The following AKAP13 variants were observed in gnomAD, a reference collection of about 807,000 sequenced individuals.
AKAP13 encodes A-kinase anchoring protein 13, also known as A-kinase anchor protein 13.
Under a neutral mutation model 264.5 loss-of-function variants are expected in AKAP13, and 80 were observed. The ratio of observed to expected loss-of-function variants is 0.30; its 90% CI spans 0.25 to 0.36. AKAP13 has a LOEUF of 0.36. AKAP13 is among the 10% of genes least tolerant of loss of function. AKAP13 has a pLI of 1.00. For missense variants in AKAP13, 3,712 were observed against 3,435.2 expected, an observed-to-expected ratio of 1.08 and a Z score of -2.01; for synonymous variants, 1,380 against 1,250.2, an observed-to-expected ratio of 1.10 and a Z score of -2.19.
At position 85,743,843 on chromosome 15, in the gene AKAP13, G is replaced by A. The variant is rs978144217; in HGVS notation, c.8392+18G>A. ...GCCCGGTGGTGAGTCACGCACACCT[G>A]CTCTCCCTGTGGCCATAGTGTCTGT... On this transcript the variant is annotated intron_variant, in intron 36 of 36. Coordinates refer to ENST00000394518, the MANE Select transcript of AKAP13 (RefSeq NM_007200.5). 1.0e-5 allele frequency: 16 copies of A among 1,593,882 alleles called. No homozygotes were observed. In the Admixed American group the frequency reaches 1.0e-4, roughly 10 times the overall value.
intron 3 of AKAP13, among the ~76,000 whole-genome samples, chr15:85,528,357 G>C (rs753116432): frequency 6.6e-6 from 1 of 152,118 alleles, no homozygotes. Flanking sequence ...TAGTTCTATA[G>C]TGCCAATGGC....
intron 8 of AKAP13, among the ~76,000 whole-genome samples, chr15:85,597,881 C>T (rs79411684): frequency 6.8e-4 from 103 of 152,092 alleles, no homozygotes; most frequent in Admixed American, 1.0e-3. Flanking sequence ...GTAATTCCAG[C>T]GTTTTCTGAC....
At chr15:85,710,342 A>G in intron 18 of AKAP13, 2 of 400,644 alleles carry the variant, frequency 5.0e-6, no homozygotes, top group Non-Finnish European at 9.1e-6. Flanking sequence ...GAAGAATGCC[A>G]TGCTTCTGAA....
At chr15:85,535,317 C>T (rs539851065) in intron 4 of AKAP13, 2 of 152,306 alleles carry the variant, frequency 1.3e-5, no homozygotes, top group Admixed American at 6.5e-5. Flanking sequence ...TGTGGTCAGC[C>T]GTCAGAACGG....
chr15:85,700,519 A>G (rs2085848320), intron 17 of AKAP13, among the ~76,000 whole-genome samples: 1 of 152,148 alleles, frequency 6.6e-6, no homozygotes, highest in South Asian at 2.1e-4. Flanking sequence ...AGGGTTTGGT[A>G]TTGACTGGGG....
intron 1 of AKAP13, among the ~76,000 whole-genome samples, chr15:85,399,525 AAAAAATAAAAAAAT>A (rs2071309534): frequency 2.0e-5 from 2 of 102,132 alleles, no homozygotes; most frequent in Non-Finnish European, 4.2e-5. Flanking sequence ...AAAAAAAATA[AAAAAATAAAAAAAT>A]AAATAAATAA....
chr15:85,722,799 A>G (rs150458242), intron 25 of AKAP13, among the ~76,000 whole-genome samples: 2 of 152,282 alleles, frequency 1.3e-5, no homozygotes, highest in East Asian at 3.9e-4. Flanking sequence ...TCTTCCTGCT[A>G]TTACTGTCCC....
At chr15:85,475,339 C>G (rs967857818) in intron 1 of AKAP13, among the ~76,000 whole-genome samples, 2 of 152,154 alleles carry the variant, frequency 1.3e-5, no homozygotes, top group East Asian at 1.9e-4. Flanking sequence ...TTCCCGTTTC[C>G]TTTGGATAAC....
intron 13 of AKAP13, among the ~76,000 whole-genome samples, chr15:85,667,788 G>A (rs929774771): frequency 1.3e-5 from 2 of 152,130 alleles, no homozygotes; most frequent in Admixed American, 1.3e-4. Flanking sequence ...GAGTTTTCAA[G>A]GAGGAAATAA....
At chr15:85,740,956 T>C in intron 34 of AKAP13, 90 bp from the exon 35 acceptor site, 1 of 1,512,122 alleles carries the variant, frequency 6.6e-7, no homozygotes, top group Non-Finnish European at 8.8e-7. Context: ...TCATAGTGCC[T>C]GGTGCCCCCT....
At chr15:85,613,301 A>G (rs990905485) in intron 8 of AKAP13, among the ~76,000 whole-genome samples, 1 of 152,176 alleles carries the variant, frequency 6.6e-6, no homozygotes, top group Admixed American at 6.5e-5. Context: ...AGTTTTATTA[A>G]TTATTCTGTA....
chr15:85,569,451 CTTTTTT>C (rs71468120), intron 5 of AKAP13, among the ~76,000 whole-genome samples: 1 of 121,822 alleles, frequency 8.2e-6, no homozygotes, highest in Non-Finnish European at 1.7e-5. Context: ...TTTTTCTTTT[CTTTTTT>C]TTTTTTTTTT....
chr15:85,593,562 T>C (rs537170883), intron 8 of AKAP13, among the ~76,000 whole-genome samples: 48 of 151,850 alleles, frequency 3.2e-4, no homozygotes, highest in African/African-American at 1.1e-3. Flanking sequence ...TCACACATTC[T>C]TTAACCCAAT....
intron 2 of AKAP13, among the ~76,000 whole-genome samples, chr15:85,495,863 A>G (rs1050299616): frequency 3.9e-5 from 6 of 152,192 alleles, no homozygotes; most frequent in African/African-American, 1.4e-4. Context: ...CATCCTGATA[A>G]TAGAAGAGCA....
intron 8 of AKAP13, among the ~76,000 whole-genome samples, chr15:85,604,234 TA>T (rs2080216647): frequency 6.6e-6 from 1 of 152,224 alleles, no homozygotes. Context: ...ACATAATAAA[TA>T]CATTTGAAGA....
chr15:85,605,645 T>A (rs1348711643), intron 8 of AKAP13, among the ~76,000 whole-genome samples: 1 of 152,138 alleles, frequency 6.6e-6, no homozygotes, highest in Non-Finnish European at 1.5e-5. Flanking sequence ...TAAAATTGTT[T>A]TAAAAAGGTA....
At chr15:85,721,569 A>G (rs769391493) in intron 23 of AKAP13, among the ~76,000 whole-genome samples, 16 of 152,230 alleles carry the variant, frequency 1.1e-4, no homozygotes, top group Non-Finnish European at 2.2e-4. Flanking sequence ...ATACCTAGGT[A>G]TGATGGCTGT....
At chr15:85,570,814 A>G (rs970389230) in intron 5 of AKAP13, among the ~76,000 whole-genome samples, 9 of 152,230 alleles carry the variant, frequency 5.9e-5, no homozygotes, top group South Asian at 2.1e-4. Context: ...GAGCTAGTCC[A>G]GAAGTGGGTG....
intron 8 of AKAP13, among the ~76,000 whole-genome samples, chr15:85,605,795 C>T (rs767789698): frequency 2.6e-4 from 40 of 152,284 alleles, no homozygotes; most frequent in Admixed American, 1.2e-3. Context: ...AGTCTTCAAG[C>T]TTATCAAGTT....
Sources: allele counts gnomAD v4.1 joint callset (sites outside exome capture counted in the v4.1 genomes callset), GRCh38; gene constraint gnomAD v4.1.1; transcripts MANE v1.5; gene names NCBI Gene and HGNC (gene_info 2026-07-23, HGNC 2026-07-21).